Variants in REDIC1 observed in about 807,000 individuals in gnomAD.
REDIC1 encodes HEI10 Interacting Protein 1.
At chr12:39,849,793 A>G in the REDIC1 span, among the ~76,000 whole-genome samples, 619 of 152,150 alleles carry the variant, frequency 4.1e-3, 23 homozygotes, top group East Asian at 0.1. Context: ...TAAGGCTTTA[A>G]TATTTCAAGG....
chr12:39,868,742 A>T, the REDIC1 span, among the ~76,000 whole-genome samples: 1 of 152,218 alleles, frequency 6.6e-6, no homozygotes, highest in South Asian at 2.1e-4. Context: ...AGAATTTGTC[A>T]TTAAATTTGT....
chr12:39,646,390 G>A, the REDIC1 span: 7 of 1,462,686 alleles, frequency 4.8e-6, no homozygotes, highest in Non-Finnish European at 5.4e-6. Flanking sequence ...CCCTAAGAAA[G>A]CATAATTTAG....
the REDIC1 span, among the ~76,000 whole-genome samples, chr12:39,816,471 C>A: frequency 0.64 from 92,634 of 145,564 alleles, 29,809 homozygotes; most frequent in East Asian, 0.76. Context: ...AGGAGATATA[C>A]CTAATGTAAA....
chr12:39,745,423 C>G, the REDIC1 span, among the ~76,000 whole-genome samples: 2 of 151,686 alleles, frequency 1.3e-5, no homozygotes, highest in Admixed American at 1.3e-4. Flanking sequence ...AGCTGAGCTA[C>G]TTAATGTAAG....
At chr12:39,702,362 C>A in the REDIC1 span, among the ~76,000 whole-genome samples, 3 of 152,212 alleles carry the variant, frequency 2.0e-5, no homozygotes, top group Non-Finnish European at 2.9e-5. Context: ...TCAACACATA[C>A]ACCCTCCCAA....
the REDIC1 span, among the ~76,000 whole-genome samples, chr12:39,784,129 C>T: frequency 5.9e-5 from 9 of 152,242 alleles, no homozygotes; most frequent in South Asian, 6.2e-4. Context: ...GAATCAATAT[C>T]GTGAAAATGG....
chr12:39,871,528 T>G, the REDIC1 span, among the ~76,000 whole-genome samples: 1 of 152,104 alleles, frequency 6.6e-6, no homozygotes, highest in East Asian at 1.9e-4. Context: ...TACCTTTGAG[T>G]GGAACTCAAG....
At chr12:39,887,450 GCAGGCTTA>G in the REDIC1 span, among the ~76,000 whole-genome samples, 1 of 152,050 alleles carries the variant, frequency 6.6e-6, no homozygotes, top group Non-Finnish European at 1.5e-5. Context: ...TACACCCAGA[GCAGGCTTA>G]CAGTGGAATG....
the REDIC1 span, among the ~76,000 whole-genome samples, chr12:39,690,490 C>T: frequency 1.3e-5 from 2 of 151,840 alleles, no homozygotes; most frequent in African/African-American, 2.4e-5. Flanking sequence ...AATAGCAATT[C>T]TATATACAGT....
chr12:39,699,852 G>A, the REDIC1 span, among the ~76,000 whole-genome samples: 5 of 152,258 alleles, frequency 3.3e-5, no homozygotes, highest in Non-Finnish European at 7.4e-5. Flanking sequence ...TCACACAGCC[G>A]GGTATGCCAA....
the REDIC1 span, among the ~76,000 whole-genome samples, chr12:39,858,318 C>G: frequency 1.3e-5 from 2 of 152,204 alleles, no homozygotes; most frequent in East Asian, 3.9e-4. Context: ...TCCAATGGGT[C>G]TGTAGATATT....
the REDIC1 span, chr12:39,758,316 G>A: frequency 6.6e-6 from 1 of 151,842 alleles, no homozygotes; most frequent in Non-Finnish European, 1.5e-5. Flanking sequence ...TTCCTCAGCT[G>A]TATTCTCAGC....
chr12:39,792,938 A>G, the REDIC1 span, among the ~76,000 whole-genome samples: 1 of 152,150 alleles, frequency 6.6e-6, no homozygotes, highest in African/African-American at 2.4e-5. Context: ...TGTGAACCAA[A>G]GTTATGAACT....
the REDIC1 span, among the ~76,000 whole-genome samples, chr12:39,850,611 T>A: frequency 6.6e-6 from 1 of 152,224 alleles, no homozygotes; most frequent in East Asian, 1.9e-4. Context: ...ATACGGTAAT[T>A]GCCAAAAATT....
chr12:39,889,399 C>T, the REDIC1 span, among the ~76,000 whole-genome samples: 1 of 151,848 alleles, frequency 6.6e-6, no homozygotes, highest in Non-Finnish European at 1.5e-5. Context: ...ATAAATATAG[C>T]CTTATACTCT....
At chr12:39,654,859 C>T in the REDIC1 span, among the ~76,000 whole-genome samples, 46 of 152,250 alleles carry the variant, frequency 3.0e-4, no homozygotes, top group Non-Finnish European at 6.0e-4. Context: ...GTGAAGGCAT[C>T]TGCACATGGA....
At chr12:39,739,922 A>G in the REDIC1 span, among the ~76,000 whole-genome samples, 2 of 152,132 alleles carry the variant, frequency 1.3e-5, no homozygotes, top group Non-Finnish European at 2.9e-5. Context: ...CTTTCTTAGA[A>G]TCTTCCTCAG....
At chr12:39,893,690 G>A in the REDIC1 span, among the ~76,000 whole-genome samples, 91 of 152,298 alleles carry the variant, frequency 6.0e-4, no homozygotes, top group Admixed American at 2.6e-3. Context: ...GATCTTTTAT[G>A]CAATAAAGAT....
the REDIC1 span, among the ~76,000 whole-genome samples, chr12:39,724,104 A>T: frequency 1.3e-5 from 2 of 152,110 alleles, no homozygotes; most frequent in Non-Finnish European, 2.9e-5. Context: ...AGGCAGAGGA[A>T]GTACCAGAGT....
Sources: gnomAD v4.1 joint callset for allele counts (sites outside exome capture counted in the v4.1 genomes callset) on GRCh38, gnomAD v4.1.1 for gene constraint, MANE v1.5 for transcripts, NCBI Gene and HGNC (gene_info 2026-07-23, HGNC 2026-07-21) for gene names.